Variants in DAPP1 observed in about 807,000 individuals in gnomAD.
DAPP1 encodes the protein dual adapter for phosphotyrosine and 3-phosphotyrosine and 3-phosphoinositide.
In DAPP1, 20 loss-of-function variants were observed where a neutral mutation model predicts 41.5. The ratio of observed to expected loss-of-function variants is 0.48; its 90% CI spans 0.34 to 0.70. DAPP1 has a LOEUF of 0.70. DAPP1 is among the 30% of genes least tolerant of loss of function. The pLI, the probability that DAPP1 is intolerant of heterozygous loss-of-function variation, is 0.01. For synonymous variants in DAPP1, 113 were observed against 116.2 expected (o/e 0.97, Z 0.18); for missense variants, 233 against 333.4 (o/e 0.70, Z 2.35).
chr4:99,862,933 A>G, intron 5 of DAPP1, 77 bp from the exon 6 acceptor site: 1 of 1,041,470 alleles, frequency 9.6e-7, no homozygotes, highest in Non-Finnish European at 1.4e-6. Context: ...AAAGTAAATC[A>G]TCTGGTTCAA....
chr4:99,827,362 G>A (rs148599156), intron 1 of DAPP1, among the ~76,000 whole-genome samples: 4,653 of 151,762 alleles, frequency 0.031, 105 homozygotes, highest in Non-Finnish European at 0.049. Flanking sequence ...GTGAAACCCC[G>A]TCTCTACTAA....
At chr4:99,819,030 G>A (rs1722682903) in intron 1 of DAPP1, among the ~76,000 whole-genome samples, 1 of 152,180 alleles carries the variant, frequency 6.6e-6, no homozygotes. Context: ...AGTCTGTTGG[G>A]TGTGTACTTG....
chr4:99,859,168 A>G (rs1724152942), intron 4 of DAPP1, among the ~76,000 whole-genome samples: 1 of 152,080 alleles, frequency 6.6e-6, no homozygotes, highest in African/African-American at 2.4e-5. Context: ...CTCATGCTTC[A>G]GCCTCCCAAA....
intron 1 of DAPP1, among the ~76,000 whole-genome samples, chr4:99,819,675 G>T (rs570813729): frequency 1.4e-5 from 2 of 138,128 alleles, no homozygotes; most frequent in South Asian, 5.3e-4. Context: ...TAGATAAAAG[G>T]TAGCTGGTTT....
At chr4:99,840,586 G>A (rs908224233) in intron 3 of DAPP1, among the ~76,000 whole-genome samples, 164 bp downstream of exon 3, 1 of 152,132 alleles carries the variant, frequency 6.6e-6, no homozygotes, top group African/African-American at 2.4e-5. Flanking sequence ...CTCAGAATGT[G>A]TTACTTAATG....
chr4:99,844,830 C>T (rs1405031464), intron 3 of DAPP1: 3 of 152,088 alleles, frequency 2.0e-5, no homozygotes, highest in South Asian at 2.1e-4. Flanking sequence ...CGACAGCTAC[C>T]GCTATTATTA....
chr4:99,823,183 G>A (rs940283632), intron 1 of DAPP1, among the ~76,000 whole-genome samples: 3 of 152,248 alleles, frequency 2.0e-5, no homozygotes, highest in Middle Eastern at 3.4e-3. Context: ...AAAATTAAAC[G>A]TTGTATTAAA....
Position 99,863,834 on chromosome 4 carries a change from A to G in DAPP1, c.665A>G (p.Gln222Arg). 1.9e-6 allele frequency: 3 copies of G among 1,596,760 alleles called. No homozygotes were observed. The highest frequency in any genetic ancestry group is 1.1e-5 in the South Asian group (1 of 88,678). ...TCAGCTGTACAATTCGATTATTCAC[A>G]AGAAAGGGTAAACTGTTTTTGGTAA... ...ECSAVQFDYSQERVNCFCLVF... is the reference protein window; with the variant it reads ...ECSAVQFDYSRERVNCFCLVF... Residue 222 changes from glutamine (Q) to arginine (R), a missense_variant, in exon 7 of 9, where the codon CAA becomes CGA. Gln to Arg is a conservative substitution (Grantham distance 43). Transcript: ENST00000512369.
intron 4 of DAPP1, among the ~76,000 whole-genome samples, chr4:99,857,770 T>A (rs1413174960): frequency 1.3e-5 from 2 of 151,840 alleles, no homozygotes; most frequent in Admixed American, 6.6e-5. Flanking sequence ...AGAGTTGTAA[T>A]ATTCTTGTTT....
chr4:99,829,488 A>C (rs183293379), intron 1 of DAPP1, among the ~76,000 whole-genome samples: 1 of 152,290 alleles, frequency 6.6e-6, no homozygotes, highest in East Asian at 1.9e-4. Flanking sequence ...CTCAAAAAAA[A>C]AAAGAAAGTT....
chr4:99,855,558 G>T lies in DAPP1; in HGVS notation c.489+2210G>T, dbSNP rs558518769. On this transcript the variant is annotated intron_variant, in intron 4 of 8. Coordinates refer to ENST00000512369, the MANE Select transcript of DAPP1 (RefSeq NM_014395.3). ...TAGTGGTGAGTGATTGGTTGACAAT[G>T]ACTTGAACTCACACTATATAATGAC... Among the ~76,000 whole-genome samples the T allele has an allele frequency of 5.9e-5, 9 of 152,232 alleles. No homozygotes were observed. The South Asian group carries it at 1.5e-3, about 25-fold the overall frequency.
chr4:99,853,022 T>TCCATC (rs1171310984), intron 3 of DAPP1, among the ~76,000 whole-genome samples, 196 bp from the exon 4 acceptor site: 2 of 152,158 alleles, frequency 1.3e-5, no homozygotes, highest in Non-Finnish European at 2.9e-5. Context: ...AAGGAACATC[T>TCCATC]CCATCATGCT....
intron 4 of DAPP1, among the ~76,000 whole-genome samples, chr4:99,854,856 T>C (rs768773623): frequency 1.8e-4 from 28 of 152,352 alleles, no homozygotes; most frequent in Non-Finnish European, 3.4e-4. Flanking sequence ...TGCTGTGGGC[T>C]AATTACCTTC....
chr4:99,838,597 G>GAT (rs1723381875), intron 2 of DAPP1, among the ~76,000 whole-genome samples: 1 of 152,122 alleles, frequency 6.6e-6, no homozygotes, highest in Admixed American at 6.5e-5. Context: ...GTTCCCAATA[G>GAT]GGTTCAGGCT....
At chr4:99,830,574 C>A (rs996981096) in intron 1 of DAPP1, among the ~76,000 whole-genome samples, 2 of 152,152 alleles carry the variant, frequency 1.3e-5, no homozygotes, top group African/African-American at 4.8e-5. Context: ...TCACCATTCC[C>A]AACTGCTGTC....
intron 4 of DAPP1, among the ~76,000 whole-genome samples, chr4:99,858,043 G>A (rs760874892): frequency 1.3e-5 from 2 of 152,202 alleles, no homozygotes; most frequent in Non-Finnish European, 2.9e-5. Context: ...ATTTCAGTGT[G>A]TATTTCCAAA....
At position 99,863,878 on chromosome 4, in the gene DAPP1, CG is replaced by C. The variant is rs761369091; in HGVS notation, c.686+24del. On this transcript the variant is annotated intron_variant, in intron 7 of 8. Coordinates refer to ENST00000512369, the MANE Select transcript of DAPP1 (RefSeq NM_014395.3). ...TTGGTAAGTTGTTTTATAAAGAAAA[CG>C]TTTTTTAATGTCTTCTTGCCAGACA... The C allele has an allele frequency of 3.5e-5, 51 of 1,477,346 alleles. No individual in the cohort carries two copies. The African/African-American group carries it at 6.8e-4, about 20-fold the overall frequency. 91.5% of individuals were successfully genotyped at this position (1,477,346 alleles called of 1,614,324 possible). A position where few individuals can be genotyped will look rare whatever the true frequency, so the allele number is the denominator to read the frequency against.
At chr4:99,821,567 T>A (rs1177415230) in intron 1 of DAPP1, among the ~76,000 whole-genome samples, 1 of 152,240 alleles carries the variant, frequency 6.6e-6, no homozygotes, top group African/African-American at 2.4e-5. Context: ...TTATTACTAA[T>A]GTTGTCCCCA....
At chr4:99,835,820 G>T in intron 2 of DAPP1, 75 bp downstream of exon 2, 3 of 1,558,296 alleles carry the variant, frequency 1.9e-6, no homozygotes, top group Non-Finnish European at 2.6e-6. Flanking sequence ...CACTCAAATT[G>T]CCAGACAGCA....
Sources: gnomAD v4.1 joint callset for allele counts (sites outside exome capture counted in the v4.1 genomes callset) on GRCh38, gnomAD v4.1.1 for gene constraint, MANE v1.5 for transcripts, NCBI Gene and HGNC (gene_info 2026-07-23, HGNC 2026-07-21) for gene names.